Variants in LRRC37A2 observed in about 807,000 individuals in gnomAD.
LRRC37A2 encodes the protein leucine rich repeat containing 37 member A2.
In LRRC37A2, 9 loss-of-function variants were observed where a neutral mutation model predicts 68.8. That is an observed-to-expected ratio of 0.13 (90% CI 0.08 to 0.23). The LOEUF (loss-of-function observed/expected upper bound fraction) is 0.23. LRRC37A2 is among the 10% of genes least tolerant of loss of function. The pLI is 1.00. For missense variants in LRRC37A2, 168 were observed against 950.4 expected, an observed-to-expected ratio of 0.18 and a Z score of 10.82; for synonymous variants, 63 against 367.6, an observed-to-expected ratio of 0.17 and a Z score of 9.48.
At chr17:46,729,159 G>A in the LRRC37A2 span, among the ~76,000 whole-genome samples, 1 of 152,080 alleles carries the variant, frequency 6.6e-6, no homozygotes, top group Non-Finnish European at 1.5e-5. Flanking sequence ...CAGTTTCTGT[G>A]TGGAATACAA....
chr17:46,972,382 A>T, the LRRC37A2 span, among the ~76,000 whole-genome samples: 1 of 152,154 alleles, frequency 6.6e-6, no homozygotes, highest in Non-Finnish European at 1.5e-5. Flanking sequence ...CCCTGCAAGG[A>T]GCTCTGGCTC....
the LRRC37A2 span, chr17:46,876,384 A>C: frequency 6.2e-7 from 1 of 1,613,938 alleles, no homozygotes; most frequent in Non-Finnish European, 8.5e-7. Context: ...TCGGCTGTCA[A>C]GGTGTCCAGT....
the LRRC37A2 span, among the ~76,000 whole-genome samples, chr17:46,786,281 C>T: frequency 2.6e-5 from 4 of 152,066 alleles, no homozygotes; most frequent in South Asian, 2.1e-4. Flanking sequence ...ACAGGAGAAG[C>T]GGGGGATGGA....
chr17:46,877,071 G>A, the LRRC37A2 span: 1 of 1,086,114 alleles, frequency 9.2e-7, no homozygotes, highest in African/African-American at 1.6e-5. Context: ...TTGCTTCCTG[G>A]GATGAATGGC....
At chr17:46,810,557 T>C in the LRRC37A2 span, among the ~76,000 whole-genome samples, 1 of 152,118 alleles carries the variant, frequency 6.6e-6, no homozygotes, top group East Asian at 1.9e-4. Flanking sequence ...GGTGGTCGTG[T>C]TATTATCATC....
chr17:46,636,986 C>T, the LRRC37A2 span, among the ~76,000 whole-genome samples: 3 of 152,150 alleles, frequency 2.0e-5, no homozygotes, highest in Non-Finnish European at 4.4e-5. Flanking sequence ...TCCCAAGAAG[C>T]TGGGACTACA....
At chr17:46,710,654 A>G in the LRRC37A2 span, among the ~76,000 whole-genome samples, 1 of 152,146 alleles carries the variant, frequency 6.6e-6, no homozygotes, top group Non-Finnish European at 1.5e-5. Context: ...CAAACTGCAT[A>G]CTGTTGATAA....
the LRRC37A2 span, among the ~76,000 whole-genome samples, chr17:47,009,588 G>T: frequency 6.6e-6 from 1 of 152,192 alleles, no homozygotes; most frequent in Non-Finnish European, 1.5e-5. Context: ...CTCCTGCCCA[G>T]GACTCTCACT....
the LRRC37A2 span, chr17:46,630,459 AT>A: frequency 6.7e-6 from 2 of 297,462 alleles, no homozygotes; most frequent in Non-Finnish European, 4.9e-6. Context: ...AGGTAGGTAT[AT>A]TTTTTAGCCA....
At chr17:46,780,737 A>G in the LRRC37A2 span, among the ~76,000 whole-genome samples, 4 of 152,076 alleles carry the variant, frequency 2.6e-5, no homozygotes, top group African/African-American at 9.7e-5. Flanking sequence ...AGATGGCGCC[A>G]CTGCGCTCCA....
chr17:46,804,461 ACT>A, the LRRC37A2 span, among the ~76,000 whole-genome samples: 1 of 151,892 alleles, frequency 6.6e-6, no homozygotes, highest in Non-Finnish European at 1.5e-5. Flanking sequence ...TGGATTCCAG[ACT>A]CCCTGCCCTA....
At chr17:47,007,744 A>G in the LRRC37A2 span, 2 of 152,354 alleles carry the variant, frequency 1.3e-5, no homozygotes, top group African/African-American at 4.8e-5. Flanking sequence ...TAAAAACACA[A>G]TGCTATAAAT....
chr17:46,787,806 A>G, the LRRC37A2 span, among the ~76,000 whole-genome samples: 2 of 152,176 alleles, frequency 1.3e-5, no homozygotes, highest in African/African-American at 2.4e-5. Flanking sequence ...AACAGAAAAA[A>G]TTAACCAGGC....
At chr17:46,908,626 C>T in the LRRC37A2 span, among the ~76,000 whole-genome samples, 137 of 152,234 alleles carry the variant, frequency 9.0e-4, no homozygotes, top group African/African-American at 3.1e-3. Flanking sequence ...GAGATGTGGC[C>T]GCCATCTGGC....
the LRRC37A2 span, chr17:46,757,125 CAT>C: frequency 6.6e-6 from 1 of 152,216 alleles, no homozygotes; most frequent in Non-Finnish European, 1.5e-5. Context: ...TATTTGTCCT[CAT>C]GTGAGAAAGC....
chr17:46,891,913 CTTTTCTTTTTTTTT>C, the LRRC37A2 span, among the ~76,000 whole-genome samples: 17 of 117,306 alleles, frequency 1.4e-4, no homozygotes, highest in Non-Finnish European at 2.8e-4. Flanking sequence ...CTTTTCTTTT[CTTTTCTTTTTTTTT>C]TTTTTTTTTT....
chr17:46,714,030 G>A, the LRRC37A2 span: 9 of 1,500,558 alleles, frequency 6.0e-6, no homozygotes, highest in South Asian at 5.1e-5. Flanking sequence ...TCTCTTAAAT[G>A]TGTGTGTGTG....
chr17:46,773,616 T>TGGTGGGGGGGGGGGGGGGGGGGGGGG, the LRRC37A2 span: 1 of 997,790 alleles, frequency 1.0e-6, no homozygotes, highest in East Asian at 3.5e-5. Context: ...CATACAGTCC[T>TGGTGGGGGGGGGGGGGGGGGGGGGGG]GATCCCTCCC....
At chr17:46,979,034 G>T in the LRRC37A2 span, 10 of 1,384,864 alleles carry the variant, frequency 7.2e-6, no homozygotes, top group African/African-American at 1.4e-4. Flanking sequence ...GGGTCTCGGC[G>T]CGCAGTCCCG....
Sources: allele counts gnomAD v4.1 joint callset (sites outside exome capture counted in the v4.1 genomes callset), GRCh38; gene constraint gnomAD v4.1.1; transcripts MANE v1.5; gene names NCBI Gene and HGNC (gene_info 2026-07-23, HGNC 2026-07-21).